The following MNAT1 variants were observed in gnomAD, a reference collection of about 807,000 sequenced individuals.
MNAT1 encodes MNAT1 component of CDK activating kinase, also known as CDK-activating kinase assembly factor MAT1.
Under a neutral mutation model 42.0 loss-of-function variants are expected in MNAT1, and 43 were observed. That is an observed-to-expected ratio of 1.02 (90% CI 0.80 to 1.32). MNAT1 has a LOEUF of 1.32. Among genes scored for constraint, MNAT1 ranks in the 40% most tolerant of loss-of-function variants. MNAT1 has a pLI of 0.00. For synonymous variants in MNAT1, 118 were observed against 120.0 expected (o/e 0.98, Z 0.11); for missense variants, 306 against 350.4 (o/e 0.87, Z 1.01).
At chr14:60,889,386 C>G (rs2034774485) in intron 7 of MNAT1, among the ~76,000 whole-genome samples, 1 of 152,052 alleles carries the variant, frequency 6.6e-6, no homozygotes, top group Admixed American at 6.6e-5. Context: ...GCTGGGAAAA[C>G]TGGCTAGCCA....
chr14:60,806,795 T>G (rs1020277483), intron 3 of MNAT1, among the ~76,000 whole-genome samples: 14 of 152,164 alleles, frequency 9.2e-5, no homozygotes, highest in African/African-American at 2.9e-4. Flanking sequence ...ATTTGGTTGC[T>G]TAGAGGATGG....
intron 7 of MNAT1, among the ~76,000 whole-genome samples, chr14:60,912,637 T>C (rs1232410319): frequency 2.6e-5 from 4 of 152,240 alleles, no homozygotes; most frequent in Non-Finnish European, 5.9e-5. Context: ...TTTAAGAATG[T>C]TGAATATTGG....
chr14:60,763,435 T>C (rs369570854), intron 1 of MNAT1, among the ~76,000 whole-genome samples: 7 of 152,296 alleles, frequency 4.6e-5, no homozygotes, highest in African/African-American at 1.4e-4. Context: ...ATCTAGTCCA[T>C]ATTTTTATTT....
Position 60,798,105 on chromosome 14 carries a change from A to G in MNAT1, c.261A>G (p.Glu87=), listed in dbSNP as rs760116330. The G allele has an allele frequency of 6.7e-7, 1 of 1,490,082 alleles. No individual in the cohort carries two copies. The highest frequency in any genetic ancestry group is 9.3e-7 in the Non-Finnish European group (1 of 1,073,744). 92.3% of individuals were successfully genotyped at this position (1,490,082 alleles called of 1,614,324 possible). A position where few individuals can be genotyped will look rare whatever the true frequency, so the allele number is the denominator to read the frequency against. The change falls in exon 3 of 8, where the codon GAA becomes GAG. Residue 87 remains glutamate (E), a synonymous_variant. Transcript: ENST00000261245. The part of the protein sequence containing the change: ...KVLKIYNKRE[E]DFPSLREYND... Reference sequence around the variant, plus strand: ...CTTAAAGATACAATAAAAGGGAAGAAGATTTTCCTAGTCTAAGAGAATACA... The same window carrying G: ...CTTAAAGATACAATAAAAGGGAAGAGGATTTTCCTAGTCTAAGAGAATACA...
At chr14:60,751,097 T>C (rs909404918) in intron 1 of MNAT1, among the ~76,000 whole-genome samples, 1 of 151,864 alleles carries the variant, frequency 6.6e-6, no homozygotes. Flanking sequence ...CCCTCCACCT[T>C]CTTTTTTTTT....
intron 7 of MNAT1, among the ~76,000 whole-genome samples, chr14:60,925,426 T>C (rs148720536): frequency 2.2e-4 from 34 of 152,164 alleles, no homozygotes; most frequent in Non-Finnish European, 4.3e-4. Flanking sequence ...AAAAACACAA[T>C]GGGATGCATG....
chr14:60,815,633 A>C (rs2032690535), intron 5 of MNAT1, among the ~76,000 whole-genome samples: 1 of 152,194 alleles, frequency 6.6e-6, no homozygotes, highest in African/African-American at 2.4e-5. Flanking sequence ...ATTGTTGTAC[A>C]TTGTGTGTAA....
At chr14:60,803,125 C>T (rs545717196) in intron 3 of MNAT1, among the ~76,000 whole-genome samples, 27 of 151,614 alleles carry the variant, frequency 1.8e-4, no homozygotes, top group Middle Eastern at 3.4e-3. Flanking sequence ...TTAGTAGAAA[C>T]GGGATTTCAC....
At position 60,785,465 on chromosome 14, in the gene MNAT1, G is replaced by A. The variant is rs1242733844; in HGVS notation, c.90-10752G>A. Among the ~76,000 whole-genome samples the A allele has an allele frequency of 2.0e-5, 3 of 152,112 alleles. No individual in the cohort carries two copies. In the East Asian group the frequency reaches 5.8e-4, roughly 29 times the overall value. On this transcript the variant is annotated intron_variant, in intron 1 of 7. Coordinates refer to ENST00000261245, the MANE Select transcript of MNAT1 (RefSeq NM_002431.4). ...TTAATTGAAAATGTTAGCAAATGTT[G>A]AGCAAACATTGATATACTTTGCTTT... is the stretch of plus-strand genomic sequence containing the variant.
chr14:60,843,841 G>A (rs2033611908), intron 6 of MNAT1, among the ~76,000 whole-genome samples: 1 of 151,982 alleles, frequency 6.6e-6, no homozygotes, highest in South Asian at 2.1e-4. Flanking sequence ...GGTAATTTTT[G>A]TGTCCTATCT....
chr14:60,741,790 G>A (rs1387229682), intron 1 of MNAT1, among the ~76,000 whole-genome samples: 2 of 149,882 alleles, frequency 1.3e-5, no homozygotes, highest in Admixed American at 1.3e-4. Context: ...TTACAAGAGT[G>A]AGCTGCTGTA....
chr14:60,814,865 A>G (rs1458166840), intron 5 of MNAT1, among the ~76,000 whole-genome samples: 2 of 152,176 alleles, frequency 1.3e-5, no homozygotes, highest in Non-Finnish European at 2.9e-5. Context: ...AGTGGCAGGT[A>G]TGGCTTTAAC....
At chr14:60,770,684 T>C (rs993809860) in intron 1 of MNAT1, among the ~76,000 whole-genome samples, 1 of 152,236 alleles carries the variant, frequency 6.6e-6, no homozygotes, top group African/African-American at 2.4e-5. Context: ...ATGGTAGTTT[T>C]ATTTTCAATT....
At chr14:60,776,804 G>C (rs1488798399) in intron 1 of MNAT1, among the ~76,000 whole-genome samples, 3 of 152,072 alleles carry the variant, frequency 2.0e-5, no homozygotes, top group Non-Finnish European at 2.9e-5. Context: ...AATTTAAATG[G>C]ACTTGTATAG....
chr14:60,738,409 C>A (rs1012955154), intron 1 of MNAT1, among the ~76,000 whole-genome samples: 1 of 151,840 alleles, frequency 6.6e-6, no homozygotes, highest in South Asian at 2.1e-4. Context: ...TCGCATGCCA[C>A]CATGCCCGGC....
intron 7 of MNAT1, among the ~76,000 whole-genome samples, chr14:60,925,035 C>A (rs1457671228): frequency 1.3e-5 from 2 of 152,168 alleles, no homozygotes; most frequent in Non-Finnish European, 2.9e-5. Flanking sequence ...GCTGTCCATT[C>A]ATGGGTCCAC....
At chr14:60,965,172 T>G (rs894131114) in intron 7 of MNAT1, among the ~76,000 whole-genome samples, 1 of 152,208 alleles carries the variant, frequency 6.6e-6, no homozygotes, top group African/African-American at 2.4e-5. Context: ...TTCAGTGCTA[T>G]GCAAAGAAAT....
intron 1 of MNAT1, among the ~76,000 whole-genome samples, chr14:60,750,329 G>C (rs976801217): frequency 2.6e-5 from 4 of 151,358 alleles, no homozygotes; most frequent in African/African-American, 9.7e-5. Flanking sequence ...TGGGTTCACG[G>C]CATTCTCCTG....
chr14:60,848,935 T>C (rs1293527124), intron 6 of MNAT1, among the ~76,000 whole-genome samples: 1 of 152,184 alleles, frequency 6.6e-6, no homozygotes, highest in East Asian at 1.9e-4. Context: ...CTCTGGACTA[T>C]GTCACTGTCA....
Sources: allele counts gnomAD v4.1 joint callset (sites outside exome capture counted in the v4.1 genomes callset), GRCh38; gene constraint gnomAD v4.1.1; transcripts MANE v1.5; gene names NCBI Gene and HGNC (gene_info 2026-07-23, HGNC 2026-07-21).